POLA2: variants seen among roughly 807,000 people sequenced by gnomAD.
The protein encoded by POLA2 is DNA polymerase alpha 2, accessory subunit.
In POLA2, 47 loss-of-function variants were observed where a neutral mutation model predicts 82.8. That is an observed-to-expected ratio of 0.57 (90% confidence interval 0.45 to 0.72). The LOEUF (loss-of-function observed/expected upper bound fraction) is 0.72. Among genes scored for constraint, POLA2 ranks in the 30% least tolerant of loss-of-function variants. The pLI, the probability that POLA2 is intolerant of heterozygous loss-of-function variation, is 0.00. For missense variants in POLA2, 634 were observed against 728.1 expected (o/e 0.87, Z 1.49); for synonymous variants, 287 against 286.8 (o/e 1.00, Z -0.01).
At chr11:65,299,112 C>T (rs1264084914), downstream of POLA2, among the ~76,000 whole-genome samples, 3 of 152,210 alleles carry the variant, frequency 2.0e-5, no homozygotes, top group African/African-American at 7.2e-5. Flanking sequence ...TCACCAGTTT[C>T]CCCAGGCATC....
chr11:65,304,640 G>A (rs1438272853), intron 8 of POLA2, among the ~76,000 whole-genome samples: 4 of 152,220 alleles, frequency 2.6e-5, no homozygotes, highest in Admixed American at 2.0e-4. Context: ...CTTCCCTGAG[G>A]GGAGACATCA....
chr11:65,301,252 A>G (rs1475740431), downstream of POLA2, among the ~76,000 whole-genome samples: 1 of 152,186 alleles, frequency 6.6e-6, no homozygotes, highest in Admixed American at 6.5e-5. Context: ...CTTCAGAGCC[A>G]GATTGTGAAG....
chr11:65,281,508 T>G (rs80172302), intron 8 of POLA2, among the ~76,000 whole-genome samples, 162 bp from the exon 9 acceptor site: 1,562 of 152,334 alleles, frequency 0.01, 29 homozygotes, highest in African/African-American at 0.036. Context: ...ATAATTATTA[T>G]TACTAATGCA....
intron 10 of POLA2, among the ~76,000 whole-genome samples, chr11:65,285,308 G>T (rs989060887): frequency 6.6e-6 from 1 of 152,104 alleles, no homozygotes; most frequent in African/African-American, 2.4e-5. Context: ...AGGAGGCTGA[G>T]GCAGGAGAAT....
At chr11:65,279,284 T>C (rs1471320742) in intron 6 of POLA2, among the ~76,000 whole-genome samples, 3 of 152,074 alleles carry the variant, frequency 2.0e-5, no homozygotes, top group Non-Finnish European at 4.4e-5. Context: ...GACTTGGAGA[T>C]GGGGTGGGGT....
intron 10 of POLA2, among the ~76,000 whole-genome samples, chr11:65,286,917 C>G (rs1003401065): frequency 6.6e-6 from 1 of 152,112 alleles, no homozygotes; most frequent in Admixed American, 6.6e-5. Flanking sequence ...AAGATGAGAG[C>G]CCAGGAACTC....
chr11:65,267,672 C>T (rs745741411), intron 3 of POLA2, 104 bp downstream of exon 3: 13 of 703,878 alleles, frequency 1.8e-5, no homozygotes, highest in South Asian at 9.7e-5. Context: ...AGGCCGGGCA[C>T]GGTGGCTCAG....
intron 17 of POLA2, 37 bp from the exon 18 acceptor site, chr11:65,297,083 G>A: frequency 6.2e-7 from 1 of 1,611,094 alleles, no homozygotes. Context: ...AGTTAGTTGA[G>A]GCTCTCCAAA....
In POLA2 at chr11:65,305,547, G is replaced by C. The variant is rs1258415330; in HGVS notation, c.*46G>C. ...CTGCAAGCTGGGCACGGTGGTGCGT[G>C]CCTGTAGTCCCAGCCACGCAGGAGG... On this transcript the variant is annotated 3_prime_UTR_variant, in exon 9 of 9. Transcript: ENST00000525924. The C allele has an allele frequency of 7.9e-6, 3 of 378,446 alleles. No homozygotes were observed. The East Asian group carries it at 2.2e-4, about 28-fold the overall frequency. The allele number at this position is 378,446 out of a possible 1,614,324, so 23.4% of individuals were successfully genotyped here.
At chr11:65,304,717 T>C (rs1949877628) in intron 8 of POLA2, among the ~76,000 whole-genome samples, 1 of 152,154 alleles carries the variant, frequency 6.6e-6, no homozygotes, top group African/African-American at 2.4e-5. Context: ...GCAGGGCTCA[T>C]GGAGGAGCAT....
intron 4 of POLA2, among the ~76,000 whole-genome samples, chr11:65,272,421 T>A (rs1429997198): frequency 6.6e-6 from 1 of 152,164 alleles, no homozygotes; most frequent in Non-Finnish European, 1.5e-5. Flanking sequence ...TAGAGGTAAA[T>A]ATGATATGTC....
At chr11:65,271,009 T>C (rs377591293) in intron 4 of POLA2, among the ~76,000 whole-genome samples, 1 of 152,224 alleles carries the variant, frequency 6.6e-6, no homozygotes, top group Non-Finnish European at 1.5e-5. Flanking sequence ...CAAATATGGG[T>C]TCATTTCCTA....
chr11:65,275,520 A>T (rs951727178), intron 4 of POLA2, among the ~76,000 whole-genome samples: 14 of 152,234 alleles, frequency 9.2e-5, no homozygotes, highest in African/African-American at 2.4e-4. Context: ...TTCTCAGGAA[A>T]ATGTGTACAC....
In POLA2 at chr11:65,287,804, T is replaced by C. The variant is rs1229726531; in HGVS notation, c.1095T>C (p.Ala365=). 1.2e-6 allele frequency: 2 copies of C among 1,613,942 alleles called. No homozygotes were observed. The highest frequency in any genetic ancestry group is 3.3e-5 in the Admixed American group (2 of 59,990). ...ATGACCCCCTGCTTGACCTGATTGCTGTCATCAACCATGACCGGCCAGATG... is the reference window on the plus strand; with the variant it reads ...ATGACCCCCTGCTTGACCTGATTGCCGTCATCAACCATGACCGGCCAGATG... The part of the protein sequence containing the change: ...ITYDPLLDLI[A]VINHDRPDVC... Residue 365 remains alanine, a synonymous_variant, in exon 11 of 18, where the codon GCT becomes GCC. Transcript: ENST00000265465.
chr11:65,262,337 CG>C lies in POLA2; in HGVS notation c.47del (p.Gly16AlafsTer2). The C allele has an allele frequency of 6.2e-7, 1 of 1,613,858 alleles. No homozygotes were observed. Among genetic ancestry groups the C allele is most frequent in the Non-Finnish European group, 8.5e-7 (1 of 1,179,862 alleles). ...QQLAEELQIF[G>X]LDCEEALIEK... ...AGCTGGCGGAGGAGCTGCAGATCTT[CG>C]GCCTAGACTGCGAGGAGGCTCTAAT... On this transcript the variant is annotated frameshift_variant, in exon 1 of 18. Transcript: ENST00000265465. LOFTEE classifies it high-confidence loss of function.
intron 17 of POLA2, among the ~76,000 whole-genome samples, chr11:65,296,882 G>A (rs946827032): frequency 4.6e-5 from 7 of 150,658 alleles, no homozygotes; most frequent in South Asian, 2.1e-4. Context: ...CCGGGAGGTC[G>A]AGGCTGCAGT....
intron 4 of POLA2, among the ~76,000 whole-genome samples, chr11:65,271,186 C>G (rs930796834): frequency 6.6e-6 from 1 of 152,178 alleles, no homozygotes; most frequent in African/African-American, 2.4e-5. Flanking sequence ...GATGGAAGCT[C>G]CTTGAGAATA....
At position 65,278,801 on chromosome 11, in the gene POLA2, A is replaced by G; in HGVS notation, c.533A>G (p.Gln178Arg). 1 of 1,613,876 alleles carries G rather than the reference A, an allele frequency of 6.2e-7. No homozygotes were observed. The highest frequency in any genetic ancestry group is 8.5e-7 in the Non-Finnish European group (1 of 1,180,010). The change falls in exon 6 of 18, where the codon CAG becomes CGG. Residue 178 changes from glutamine (Q) to arginine (R), a missense_variant. Gln to Arg is a conservative substitution (Grantham distance 43). Transcript: ENST00000265465. Reference sequence around the variant, plus strand: ...GTGGTTACCTCCTTCGGCTTAGCACAGGGAGTATCTTGGTCTGGGAGAGGA... The same window carrying G: ...GTGGTTACCTCCTTCGGCTTAGCACGGGGAGTATCTTGGTCTGGGAGAGGA... ...GEVVTSFGLAQGVSWSGRGGA... is the reference protein window; with the variant it reads ...GEVVTSFGLARGVSWSGRGGA...
chr11:65,279,522 A>T lies in POLA2; in HGVS notation c.656-16A>T. The T allele has an allele frequency of 6.5e-7, 1 of 1,545,404 alleles. No homozygotes were observed. The highest frequency in any genetic ancestry group is 1.2e-5 in the South Asian group (1 of 86,642). On this transcript the variant is annotated splice_polypyrimidine_tract_variant and intron_variant, in intron 6 of 17. Coordinates refer to ENST00000265465, the MANE Select transcript of POLA2 (RefSeq NM_002689.4). The stretch of plus-strand genomic sequence containing the variant: ...TGTCTTAAACATAATACTTTTTTCC[A>T]CTTCTGGGATTGTAGTTCTGACCTG...
Sources: gnomAD v4.1 joint callset for allele counts (sites outside exome capture counted in the v4.1 genomes callset) on GRCh38, gnomAD v4.1.1 for gene constraint, MANE v1.5 for transcripts, NCBI Gene and HGNC (gene_info 2026-07-23, HGNC 2026-07-21) for gene names.